SUGCT: variants seen among roughly 807,000 people sequenced by gnomAD.
SUGCT encodes the protein succinyl-CoA:glutarate-CoA transferase, also known as succinyl-CoA:glutarate CoA-transferase.
A neutral mutation model predicts 55.0 loss-of-function variants in SUGCT; 41 were observed. The observed-to-expected ratio is 0.74, with a 90% confidence interval of 0.58 to 0.97. SUGCT has a LOEUF of 0.97. Ranked by LOEUF, SUGCT falls within the 50% of genes least tolerant of loss-of-function variation. SUGCT has a pLI of 0.00. For synonymous variants in SUGCT, 187 were observed against 200.4 expected (o/e 0.93, Z 0.56); for missense variants, 568 against 547.8 (o/e 1.04, Z -0.37).
chr7:40,948,649 C>G, the SUGCT span, among the ~76,000 whole-genome samples: 1 of 149,502 alleles, frequency 6.7e-6, no homozygotes, highest in Non-Finnish European at 1.5e-5. Context: ...ATTCCCCTGT[C>G]TTTGCCCATA....
At chr7:40,363,012 G>A (rs1164432750) in intron 9 of SUGCT, among the ~76,000 whole-genome samples, 1 of 152,146 alleles carries the variant, frequency 6.6e-6, no homozygotes, top group Non-Finnish European at 1.5e-5. Flanking sequence ...TCTATTCAGA[G>A]ATTCAACTTC....
At chr7:40,823,777 C>T (rs1003657427) in intron 13 of SUGCT, among the ~76,000 whole-genome samples, 3 of 151,902 alleles carry the variant, frequency 2.0e-5, no homozygotes, top group Admixed American at 6.6e-5. Flanking sequence ...TTTTTATTTC[C>T]CTTAAGTTTC....
At chr7:40,680,965 A>G (rs930208893) in intron 12 of SUGCT, among the ~76,000 whole-genome samples, 1 of 152,220 alleles carries the variant, frequency 6.6e-6, no homozygotes, top group Non-Finnish European at 1.5e-5. Context: ...TGTTTCCACT[A>G]GCAATGGACA....
chr7:40,894,246 A>G, the SUGCT span, among the ~76,000 whole-genome samples: 31 of 152,338 alleles, frequency 2.0e-4, no homozygotes, highest in African/African-American at 7.5e-4. Flanking sequence ...ATCCCTATTC[A>G]GAAAAAAATG....
At chr7:40,323,745 A>T (rs1253107490) in intron 9 of SUGCT, among the ~76,000 whole-genome samples, 1 of 152,144 alleles carries the variant, frequency 6.6e-6, no homozygotes, top group Non-Finnish European at 1.5e-5. Context: ...CAACTGGCAA[A>T]ATCCCAGTGC....
chr7:40,741,704 T>G (rs1162874035), intron 12 of SUGCT, among the ~76,000 whole-genome samples: 2 of 152,230 alleles, frequency 1.3e-5, no homozygotes, highest in Non-Finnish European at 2.9e-5. Flanking sequence ...GCAGAGTCAG[T>G]TAAATTATGG....
At chr7:40,990,047 A>G in the SUGCT span, among the ~76,000 whole-genome samples, 4 of 152,218 alleles carry the variant, frequency 2.6e-5, no homozygotes, top group African/African-American at 9.6e-5. Context: ...AGAATGGTGA[A>G]TACTTTCCAG....
At chr7:40,223,082 A>T (rs905012031) in intron 6 of SUGCT, among the ~76,000 whole-genome samples, 2 of 135,660 alleles carry the variant, frequency 1.5e-5, no homozygotes, top group African/African-American at 5.6e-5. Flanking sequence ...TTTCTTTTTG[A>T]GGTAGTCTTT....
intron 8 of SUGCT, among the ~76,000 whole-genome samples, chr7:40,313,946 C>T (rs1007223982): frequency 1.3e-5 from 2 of 152,108 alleles, no homozygotes; most frequent in Non-Finnish European, 2.9e-5. Context: ...TCCTTCTGCC[C>T]AATGTGAGCC....
intron 5 of SUGCT, among the ~76,000 whole-genome samples, chr7:40,190,061 T>C (rs1208783545): frequency 1.3e-5 from 2 of 152,178 alleles, no homozygotes; most frequent in African/African-American, 4.8e-5. Flanking sequence ...ATGACCAATA[T>C]ATCCAGACCT....
chr7:40,913,221 AG>A, the SUGCT span, among the ~76,000 whole-genome samples: 1 of 152,138 alleles, frequency 6.6e-6, no homozygotes, highest in Non-Finnish European at 1.5e-5. Flanking sequence ...CATGTTAGCC[AG>A]GATGGATCCA....
intron 5 of SUGCT, among the ~76,000 whole-genome samples, chr7:40,193,991 G>C (rs1786098300): frequency 2.6e-5 from 4 of 151,954 alleles, no homozygotes; most frequent in Admixed American, 2.6e-4. Flanking sequence ...TAAAATTAAG[G>C]TTTACAATGC....
intron 12 of SUGCT, among the ~76,000 whole-genome samples, chr7:40,746,247 C>T (rs1289527167): frequency 6.6e-6 from 1 of 152,120 alleles, no homozygotes; most frequent in African/African-American, 2.4e-5. Flanking sequence ...GCAGGATTCG[C>T]CCCACAAACA....
chr7:40,437,338 C>G (rs754684806), intron 9 of SUGCT, among the ~76,000 whole-genome samples: 6 of 152,060 alleles, frequency 3.9e-5, no homozygotes, highest in Non-Finnish European at 7.4e-5. Context: ...TTCCAATTTC[C>G]TATTATGGAA....
intron 10 of SUGCT, 85 bp downstream of exon 10, chr7:40,449,443 G>GC (rs1309172843): frequency 1.1e-6 from 1 of 933,508 alleles, no homozygotes; most frequent in Non-Finnish European, 1.7e-6. Flanking sequence ...ACCAACTTAG[G>GC]CCCCCTGTGT....
intron 12 of SUGCT, among the ~76,000 whole-genome samples, chr7:40,613,415 A>C (rs1798854763): frequency 6.6e-6 from 1 of 152,230 alleles, no homozygotes; most frequent in African/African-American, 2.4e-5. Context: ...GACTTCACTT[A>C]GCTCCATCAT....
intron 6 of SUGCT, among the ~76,000 whole-genome samples, chr7:40,228,029 T>C (rs532907637): frequency 8.5e-4 from 129 of 152,076 alleles, no homozygotes; most frequent in Non-Finnish European, 1.4e-3. Context: ...ATTACAGGCA[T>C]GCGCTACCAT....
chr7:40,778,307 A>G (rs1351924356), intron 13 of SUGCT, among the ~76,000 whole-genome samples: 3 of 152,226 alleles, frequency 2.0e-5, no homozygotes, highest in Admixed American at 6.5e-5. Flanking sequence ...TAGAATCGTG[A>G]CAATCTACTT....
intron 12 of SUGCT, among the ~76,000 whole-genome samples, chr7:40,566,295 G>C (rs1796149926): frequency 1.3e-5 from 2 of 152,144 alleles, no homozygotes; most frequent in African/African-American, 4.8e-5. Context: ...TTCCCAGGAA[G>C]GGCCCTGTTT....
Sources: gnomAD v4.1 joint callset for allele counts (sites outside exome capture counted in the v4.1 genomes callset) on GRCh38, gnomAD v4.1.1 for gene constraint, MANE v1.5 for transcripts, NCBI Gene and HGNC (gene_info 2026-07-23, HGNC 2026-07-21) for gene names.